PAICS: variants seen among roughly 807,000 people sequenced by gnomAD.
PAICS encodes the protein bifunctional phosphoribosylaminoimidazole carboxylase/phosphoribosylaminoimidazole succinocarboxamide synthetase.
PAICS carries 33 observed loss-of-function variants against 53.7 expected under a neutral mutation model. The observed-to-expected ratio is 0.61, with a 90% confidence interval of 0.47 to 0.82. The LOEUF (loss-of-function observed/expected upper bound fraction) is 0.82, where lower values mean the gene tolerates loss of function less well. PAICS is among the 40% of genes least tolerant of loss of function. PAICS has a pLI of 0.00. For missense variants in PAICS, 394 were observed against 494.1 expected (o/e 0.80, Z 1.92); for synonymous variants, 141 against 167.2 (o/e 0.84, Z 1.21).
chr4:56,456,750 T>C (rs146180142), intron 8 of PAICS, among the ~76,000 whole-genome samples: 8 of 151,230 alleles, frequency 5.3e-5, no homozygotes, highest in East Asian at 1.9e-4. Flanking sequence ...TTTCTTTTGG[T>C]TTTTGTTTTC....
Position 56,441,823 on chromosome 4 carries a change from A to G in PAICS, c.177A>G (p.Lys59=), listed in dbSNP as rs771861747. The G allele has an allele frequency of 1.9e-6, 3 of 1,599,204 alleles. No homozygotes were observed. The highest frequency in any genetic ancestry group is 2.3e-5 in the South Asian group (2 of 88,132). The change falls in exon 2 of 9, where the codon AAA becomes AAG. Residue 59 remains lysine (K), a synonymous_variant. Transcript: ENST00000512576. ...HLEGKAAISN[K]ITSCIFQLLQ... ...AAGGAAAAGCTGCAATCTCAAATAA[A>G]ATCACCAGTTGTATTTTTCAGTTAT...
upstream of PAICS, among the ~76,000 whole-genome samples, chr4:56,434,101 A>C (rs796725990): frequency 1.3e-5 from 2 of 152,326 alleles, no homozygotes; most frequent in African/African-American, 4.8e-5. Context: ...TTTTTTAAAA[A>C]AAACAAGAAA....
At chr4:56,431,667 A>G (rs1717591167), upstream of PAICS, 2 of 221,122 alleles carry the variant, frequency 9.0e-6, no homozygotes. Context: ...AATCAAGGAA[A>G]GGCTAATTAG....
intron 7 of PAICS, among the ~76,000 whole-genome samples, chr4:56,452,387 C>T (rs1718964594): frequency 6.6e-6 from 1 of 152,106 alleles, no homozygotes; most frequent in African/African-American, 2.4e-5. Context: ...ACTGTGTTAG[C>T]CAGGATGGTC....
chr4:56,428,265 T>C, the PAICS span, among the ~76,000 whole-genome samples: 186 of 152,300 alleles, frequency 1.2e-3, 1 homozygote, highest in African/African-American at 3.8e-3. Flanking sequence ...TAGAAGATGC[T>C]AAAAGTCATT....
upstream of PAICS, among the ~76,000 whole-genome samples, chr4:56,431,997 A>G (rs1717608888): frequency 6.6e-6 from 1 of 152,224 alleles, no homozygotes; most frequent in South Asian, 2.1e-4. Flanking sequence ...GACAGCCAGA[A>G]CTACTAAAAA....
At chr4:56,453,837 A>G (rs557703972) in intron 8 of PAICS, 76 bp downstream of exon 8, 3 of 1,043,782 alleles carry the variant, frequency 2.9e-6, no homozygotes, top group East Asian at 2.6e-5. Flanking sequence ...AGAATAGCAT[A>G]ATAAAATCTC....
At chr4:56,432,963 T>A (rs1452918184), upstream of PAICS, among the ~76,000 whole-genome samples, 1 of 132,682 alleles carries the variant, frequency 7.5e-6, no homozygotes. Context: ...CAGAGTACGA[T>A]ATATATATAC....
chr4:56,436,211 C>G, upstream of PAICS: 1 of 1,533,120 alleles, frequency 6.5e-7, no homozygotes, highest in Non-Finnish European at 8.8e-7. Flanking sequence ...GTCGCGCGGC[C>G]CCGCCTCCTT....
chr4:56,428,541 T>C, the PAICS span, among the ~76,000 whole-genome samples: 16 of 151,278 alleles, frequency 1.1e-4, no homozygotes, highest in Non-Finnish European at 2.2e-4. Flanking sequence ...CCAAGAAAAA[T>C]GAGATTTTAT....
At chr4:56,447,069 AAAAG>A (rs1441460547) in intron 3 of PAICS, among the ~76,000 whole-genome samples, 196 bp downstream of exon 3, 4 of 150,998 alleles carry the variant, frequency 2.6e-5, no homozygotes, top group Non-Finnish European at 5.9e-5. Context: ...TCAAATTTTA[AAAAG>A]AAAGCATCTG....
the PAICS span, among the ~76,000 whole-genome samples, chr4:56,415,163 G>C: frequency 6.6e-6 from 1 of 152,080 alleles, no homozygotes; most frequent in East Asian, 1.9e-4. Flanking sequence ...ACACCTAAAA[G>C]TTGATATATT....
intron 3 of PAICS, among the ~76,000 whole-genome samples, chr4:56,447,131 T>A (rs1718664307): frequency 6.6e-6 from 1 of 151,800 alleles, no homozygotes; most frequent in African/African-American, 2.4e-5. Flanking sequence ...AAGAGAAAAG[T>A]AACATTTAGT....
At chr4:56,437,632 C>A (rs1053619564) in intron 1 of PAICS, among the ~76,000 whole-genome samples, 1 of 151,622 alleles carries the variant, frequency 6.6e-6, no homozygotes, top group South Asian at 2.1e-4. Flanking sequence ...ATCATCCTGA[C>A]CAACATGGTG....
At chr4:56,418,256 TCTCTC>T in the PAICS span, among the ~76,000 whole-genome samples, 1 of 152,196 alleles carries the variant, frequency 6.6e-6, no homozygotes, top group Admixed American at 6.5e-5. Flanking sequence ...TGAGCAGTGG[TCTCTC>T]CACTACACTC....
intron 1 of PAICS, among the ~76,000 whole-genome samples, chr4:56,437,104 C>T (rs979903693): frequency 2.7e-5 from 4 of 147,736 alleles, no homozygotes; most frequent in African/African-American, 1.0e-4. Flanking sequence ...TTTGATGCCA[C>T]GATAGCTTGG....
chr4:56,435,786 T>G, upstream of PAICS: 2 of 1,509,776 alleles, frequency 1.3e-6, no homozygotes, highest in Non-Finnish European at 1.8e-6. Flanking sequence ...AAAGCTGTAT[T>G]TGCTGCACGT....
chr4:56,448,415 C>T lies in PAICS; in HGVS notation c.394-3C>T. The T allele has an allele frequency of 1.3e-6, 2 of 1,564,522 alleles. No homozygotes were observed. The highest frequency in any genetic ancestry group is 8.7e-7 in the Non-Finnish European group (1 of 1,153,622). On this transcript the variant is annotated splice_polypyrimidine_tract_variant and splice_region_variant and intron_variant, in intron 3 of 8. Coordinates refer to ENST00000512576, the MANE Select transcript of PAICS (RefSeq NM_001079524.2). ...TAATTGTACTACTATACTTTATTCACAGGATGATGCCAATAATGACCCACA... is the reference window on the plus strand; with the variant it reads ...TAATTGTACTACTATACTTTATTCATAGGATGATGCCAATAATGACCCACA...
chr4:56,414,602 TG>T, the PAICS span, among the ~76,000 whole-genome samples: 3 of 152,242 alleles, frequency 2.0e-5, no homozygotes, highest in Non-Finnish European at 4.4e-5. Context: ...GGATTCATGC[TG>T]TGGAATGAGC....
Sources: allele counts gnomAD v4.1 joint callset (sites outside exome capture counted in the v4.1 genomes callset), GRCh38; gene constraint gnomAD v4.1.1; transcripts MANE v1.5; gene names NCBI Gene and HGNC (gene_info 2026-07-23, HGNC 2026-07-21).